KLF15: variants seen among roughly 807,000 people sequenced by gnomAD.
KLF15 encodes Krueppel-like factor 15.
KLF15 carries 4 observed loss-of-function variants against 24.6 expected under a neutral mutation model. The ratio of observed to expected loss-of-function variants is 0.16; its 90% confidence interval spans 0.08 to 0.37. The LOEUF (loss-of-function observed/expected upper bound fraction) is 0.37. Among genes scored for constraint, KLF15 ranks in the 10% least tolerant of loss-of-function variants. The pLI is 1.00. For missense variants in KLF15, 496 were observed against 560.6 expected (o/e 0.88, Z 1.16); for synonymous variants, 246 against 236.3 (o/e 1.04, Z -0.37).
the KLF15 span, among the ~76,000 whole-genome samples, chr3:126,313,365 G>T: frequency 6.6e-6 from 1 of 152,160 alleles, no homozygotes; most frequent in Non-Finnish European, 1.5e-5. Flanking sequence ...ATTCTGTTAC[G>T]CAGCCTCAGC....
the KLF15 span, among the ~76,000 whole-genome samples, chr3:126,292,656 G>A: frequency 2.0e-5 from 3 of 152,168 alleles, no homozygotes. Context: ...AGGATGAGAT[G>A]AGAAGGGAGA....
chr3:126,354,243 T>C (rs2082612666), intron 1 of KLF15: 1 of 152,320 alleles, frequency 6.6e-6, no homozygotes, highest in South Asian at 2.1e-4. Flanking sequence ...TGAACCTTTG[T>C]CCCTGCTCAG....
At chr3:126,345,362 C>T (rs964510744) in intron 2 of KLF15, among the ~76,000 whole-genome samples, 12 of 151,884 alleles carry the variant, frequency 7.9e-5, no homozygotes, top group African/African-American at 2.9e-4. Context: ...CATGACCAGC[C>T]CAATGCCTGG....
the KLF15 span, among the ~76,000 whole-genome samples, chr3:126,288,683 C>A: frequency 6.6e-6 from 1 of 152,236 alleles, no homozygotes; most frequent in African/African-American, 2.4e-5. Context: ...CCGCTCACTT[C>A]GGGGCTCATT....
the KLF15 span, among the ~76,000 whole-genome samples, chr3:126,316,041 C>T: frequency 6.6e-6 from 1 of 152,218 alleles, no homozygotes; most frequent in Non-Finnish European, 1.5e-5. Flanking sequence ...TCTGTGCAAG[C>T]TGGGAACTGT....
At position 126,352,716 on chromosome 3, in the gene KLF15, G is replaced by A; in HGVS notation, c.207C>T (p.Gly69=). ...ALCSCYGGGL[G]TESQDSILDF... ...CCAAGATGCTGTCCTGGCTCTCGGT[G>A]CCCAGGCCTCCACCATAGCAGGAGC... Residue 69 remains glycine (G), a synonymous_variant, in exon 2 of 3, where the codon GGC becomes GGT. Coordinates refer to ENST00000296233, the MANE Select transcript of KLF15 (RefSeq NM_014079.4). The A allele has an allele frequency of 2.5e-6, 4 of 1,578,656 alleles. No individual in the cohort carries two copies. The East Asian group carries it at 9.4e-5, about 37-fold the overall frequency.
the KLF15 span, among the ~76,000 whole-genome samples, chr3:126,313,348 A>C: frequency 3.4e-3 from 517 of 152,288 alleles, 4 homozygotes; most frequent in African/African-American, 0.012. Flanking sequence ...AGCCACTCAT[A>C]TGGGGCATTC....
At chr3:126,306,999 C>G in the KLF15 span, among the ~76,000 whole-genome samples, 1 of 152,260 alleles carries the variant, frequency 6.6e-6, no homozygotes, top group South Asian at 2.1e-4. Flanking sequence ...ACCACACCCT[C>G]AGGCCCCCCA....
At chr3:126,331,226 A>G in the KLF15 span, among the ~76,000 whole-genome samples, 1 of 152,192 alleles carries the variant, frequency 6.6e-6, no homozygotes, top group African/African-American at 2.4e-5. Context: ...GAGTGATGGC[A>G]TAAGAGGACA....
At position 126,357,272 on chromosome 3, in the gene KLF15, C is replaced by T. The variant is rs1158530979; in HGVS notation, c.-61G>A. On this transcript the variant is annotated 5_prime_UTR_variant, in exon 1 of 3. Coordinates refer to ENST00000296233, the MANE Select transcript of KLF15 (RefSeq NM_014079.4). ...CGCACGCCGGACCGGCGGCCAGGCCCCGGCGGTCCTGCGGCCGGGCGGGCT... is the reference window on the plus strand; with the variant it reads ...CGCACGCCGGACCGGCGGCCAGGCCTCGGCGGTCCTGCGGCCGGGCGGGCT... The T allele has an allele frequency of 6.7e-5, 10 of 148,516 alleles. No homozygotes were observed. The highest frequency in any genetic ancestry group is 1.5e-4 in the Non-Finnish European group (10 of 66,752). 9.2% of individuals were successfully genotyped at this position (148,516 alleles called of 1,614,324 possible).
intron 2 of KLF15, among the ~76,000 whole-genome samples, chr3:126,347,194 C>T (rs992555863): frequency 1.3e-5 from 2 of 152,142 alleles, no homozygotes; most frequent in African/African-American, 4.8e-5. Flanking sequence ...TGTATGAAGG[C>T]GTCCCTTCCT....
chr3:126,352,632 C>G lies in KLF15; in HGVS notation c.291G>C (p.Gly97=). Residue 97 remains glycine (G), a synonymous_variant, in exon 2 of 3, where the codon GGG becomes GGC. Transcript: ENST00000296233. Reference sequence around the variant, plus strand: ...CCCAGGCCACGGGGCCACTGCTGGCCCCAATGCTACTGCCGCTGCCCCCGC... The same window carrying G: ...CCCAGGCCACGGGGCCACTGCTGGCGCCAATGCTACTGCCGCTGCCCCCGC... ...GSGGGSGSSI[G]ASSGPVAWGP... is the part of the protein sequence containing the mutation. 6.3e-7 allele frequency: 1 copy of G among 1,598,458 alleles called. No individual in the cohort carries two copies. Among genetic ancestry groups the G allele is most frequent in the Non-Finnish European group, 8.5e-7 (1 of 1,173,004 alleles).
intron 1 of KLF15, among the ~76,000 whole-genome samples, chr3:126,354,491 G>T (rs2082614839): frequency 6.6e-6 from 1 of 152,144 alleles, no homozygotes; most frequent in African/African-American, 2.4e-5. Flanking sequence ...ATGCTTCAAA[G>T]ATCTCTAAGT....
the KLF15 span, among the ~76,000 whole-genome samples, chr3:126,322,152 T>C: frequency 6.6e-6 from 1 of 152,244 alleles, no homozygotes; most frequent in Non-Finnish European, 1.5e-5. Flanking sequence ...CCTCTATGTA[T>C]GTGATTTACA....
chr3:126,344,474 GA>G (rs766911861), intron 2 of KLF15, among the ~76,000 whole-genome samples: 2 of 152,212 alleles, frequency 1.3e-5, no homozygotes, highest in Non-Finnish European at 2.9e-5. Context: ...AACAGGAAAG[GA>G]CCCCAATGCT....
the KLF15 span, among the ~76,000 whole-genome samples, chr3:126,301,971 T>C: frequency 1.3e-5 from 2 of 152,186 alleles, no homozygotes; most frequent in East Asian, 3.9e-4. Flanking sequence ...AGGTGAAAAC[T>C]AAGGACATTG....
At chr3:126,300,329 C>T in the KLF15 span, among the ~76,000 whole-genome samples, 3 of 152,226 alleles carry the variant, frequency 2.0e-5, no homozygotes, top group Non-Finnish European at 4.4e-5. Context: ...TGGACCCCAC[C>T]ACCTCACAGC....
chr3:126,339,109 G>C (rs1161134979), downstream of KLF15, among the ~76,000 whole-genome samples: 1 of 152,188 alleles, frequency 6.6e-6, no homozygotes, highest in African/African-American at 2.4e-5. Flanking sequence ...TCCAGGTCCA[G>C]ACCTCCAGGA....
the KLF15 span, among the ~76,000 whole-genome samples, chr3:126,326,685 C>T: frequency 6.6e-6 from 1 of 152,120 alleles, no homozygotes; most frequent in Non-Finnish European, 1.5e-5. Flanking sequence ...GGGAGAGAAG[C>T]AAAGCTGGGG....
Sources: gnomAD v4.1 joint callset for allele counts (sites outside exome capture counted in the v4.1 genomes callset) on GRCh38, gnomAD v4.1.1 for gene constraint, MANE v1.5 for transcripts, NCBI Gene and HGNC (gene_info 2026-07-23, HGNC 2026-07-21) for gene names.